The following LRP1B variants were observed in gnomAD, a reference collection of about 807,000 sequenced individuals.
LRP1B encodes LDL receptor related protein 1B.
A neutral mutation model predicts 556.6 loss-of-function variants in LRP1B; 217 were observed. That is an observed-to-expected ratio of 0.39 (90% CI 0.35 to 0.44). The LOEUF is 0.44. LRP1B is among the 20% of genes least tolerant of loss of function. The pLI, the probability that LRP1B is intolerant of heterozygous loss-of-function variation, is 1.00. For missense variants in LRP1B, 5,053 were observed against 5,620.8 expected (o/e 0.90, Z 3.23); for synonymous variants, 2,047 against 1,865.8 (o/e 1.10, Z -2.50).
chr2:140,794,417 T>C (rs953288339), intron 32 of LRP1B, among the ~76,000 whole-genome samples: 7 of 150,738 alleles, frequency 4.6e-5, no homozygotes, highest in African/African-American at 1.5e-4. Context: ...GAGAAAAAAA[T>C]AAATGAAATG....
intron 2 of LRP1B, among the ~76,000 whole-genome samples, chr2:141,792,081 C>T (rs1390313614): frequency 9.9e-5 from 15 of 151,262 alleles, no homozygotes; most frequent in Admixed American, 9.9e-4. Context: ...AATCCCAAGA[C>T]TTAAAAAAAT....
intron 1 of LRP1B, among the ~76,000 whole-genome samples, chr2:142,083,361 C>G (rs958729137): frequency 2.6e-5 from 4 of 152,148 alleles, no homozygotes; most frequent in African/African-American, 9.7e-5. Flanking sequence ...TTCCCTTCTT[C>G]TCACTTATCG....
chr2:140,447,859 G>A (rs1686729428), intron 63 of LRP1B, among the ~76,000 whole-genome samples: 1 of 151,956 alleles, frequency 6.6e-6, no homozygotes, highest in Non-Finnish European at 1.5e-5. Context: ...CCTAATTTTA[G>A]TATTGTTATG....
intron 2 of LRP1B, among the ~76,000 whole-genome samples, chr2:141,734,658 T>C (rs1221468963): frequency 6.6e-6 from 1 of 152,296 alleles, no homozygotes; most frequent in East Asian, 1.9e-4. Context: ...TCCTATTTTT[T>C]AAAATAATTT....
At chr2:141,934,292 T>G (rs1036881892) in intron 1 of LRP1B, among the ~76,000 whole-genome samples, 1 of 151,994 alleles carries the variant, frequency 6.6e-6, no homozygotes, top group East Asian at 1.9e-4. Flanking sequence ...GGACTGATGA[T>G]GAAAAATCTA....
intron 86 of LRP1B, among the ~76,000 whole-genome samples, chr2:140,269,970 C>A (rs559066773): frequency 4.8e-4 from 73 of 152,000 alleles, no homozygotes; most frequent in Non-Finnish European, 9.3e-4. Context: ...AAAATTATAA[C>A]AATTTTCTCT....
rs531430424 is a variant in LRP1B at position 140,675,661 on chromosome 2, C to T, written c.6799+24589G>A. 8.5e-5 allele frequency among the ~76,000 whole-genome samples: 13 copies of T among 152,132 alleles called. No homozygotes were observed. The East Asian group carries it at 2.3e-3, about 27-fold the overall frequency. ...GATTGTGGTGGTGCTCCTGTAGTTC[C>T]AGCTACTCAGGAAGCTGAGGAGAAA... On this transcript the variant is annotated intron_variant, in intron 41 of 90. Coordinates refer to ENST00000389484, the MANE Select transcript of LRP1B (RefSeq NM_018557.3).
chr2:141,633,991 T>A (rs1450240612), intron 2 of LRP1B, among the ~76,000 whole-genome samples: 2 of 151,942 alleles, frequency 1.3e-5, no homozygotes, highest in Non-Finnish European at 2.9e-5. Flanking sequence ...GGGCTTTGGC[T>A]AAAATCACTA....
At chr2:140,479,526 G>A (rs1402110724) in intron 59 of LRP1B, among the ~76,000 whole-genome samples, 1 of 152,066 alleles carries the variant, frequency 6.6e-6, no homozygotes, top group Non-Finnish European at 1.5e-5. Flanking sequence ...CTGTGAATTT[G>A]AGAATGTCTT....
intron 1 of LRP1B, among the ~76,000 whole-genome samples, chr2:141,890,348 A>G (rs1216391630): frequency 4.6e-5 from 6 of 131,538 alleles, no homozygotes; most frequent in Non-Finnish European, 6.4e-5. Flanking sequence ...ATATATATAT[A>G]TATGTATTGT....
chr2:140,270,949 A>G (rs991868943), intron 85 of LRP1B, among the ~76,000 whole-genome samples: 1 of 151,920 alleles, frequency 6.6e-6, no homozygotes, highest in Non-Finnish European at 1.5e-5. Context: ...ATAAAAAAAC[A>G]GTTATGTTAT....
chr2:141,155,474 CTTTTTA>C (rs768041098), intron 7 of LRP1B, among the ~76,000 whole-genome samples: 7 of 150,108 alleles, frequency 4.7e-5, no homozygotes, highest in Non-Finnish European at 1.0e-4. Flanking sequence ...TTATTTTTTT[CTTTTTA>C]TTATTATTTT....
chr2:141,435,332 G>A (rs1680723771), intron 3 of LRP1B, among the ~76,000 whole-genome samples: 2 of 152,150 alleles, frequency 1.3e-5, no homozygotes, highest in South Asian at 4.2e-4. Context: ...TAATGCATAT[G>A]CACAATCTTC....
intron 41 of LRP1B, among the ~76,000 whole-genome samples, chr2:140,687,895 T>C (rs1686105289): frequency 2.0e-5 from 3 of 152,132 alleles, no homozygotes; most frequent in Non-Finnish European, 4.4e-5. Flanking sequence ...TGATCTACTG[T>C]TTTCTTAGAA....
At chr2:140,530,924 TTTGAG>T (rs1317235375) in intron 47 of LRP1B, among the ~76,000 whole-genome samples, 1 of 152,278 alleles carries the variant, frequency 6.6e-6, no homozygotes, top group Non-Finnish European at 1.5e-5. Context: ...GAAATATCTA[TTTGAG>T]TTATTTTATT....
At chr2:141,403,128 C>T (rs1183069057) in intron 3 of LRP1B, among the ~76,000 whole-genome samples, 2 of 151,836 alleles carry the variant, frequency 1.3e-5, no homozygotes, top group Admixed American at 6.6e-5. Context: ...GTTTCAAGGC[C>T]CACTATGAAG....
chr2:140,566,092 C>T (rs1017340392), intron 43 of LRP1B, among the ~76,000 whole-genome samples: 1 of 152,112 alleles, frequency 6.6e-6, no homozygotes, highest in Admixed American at 6.6e-5. Context: ...GTGTATGTGG[C>T]TCCAGAGGTG....
intron 7 of LRP1B, among the ~76,000 whole-genome samples, chr2:141,071,051 A>G (rs1699625646): frequency 1.3e-5 from 2 of 152,080 alleles, no homozygotes; most frequent in South Asian, 4.2e-4. Flanking sequence ...AGACACAACC[A>G]AAAAAGAGAA....
At chr2:140,455,909 A>G (rs1182801169) in intron 62 of LRP1B, among the ~76,000 whole-genome samples, 2 of 152,234 alleles carry the variant, frequency 1.3e-5, no homozygotes, top group African/African-American at 4.8e-5. Context: ...TTTGAAAGTA[A>G]TAAAATCAAG....
Sources: gnomAD v4.1 joint callset for allele counts (sites outside exome capture counted in the v4.1 genomes callset) on GRCh38, gnomAD v4.1.1 for gene constraint, MANE v1.5 for transcripts, NCBI Gene and HGNC (gene_info 2026-07-23, HGNC 2026-07-21) for gene names.